Variants in DMD observed in about 807,000 individuals in gnomAD.
DMD encodes dystrophin.
Under a neutral mutation model 330.1 loss-of-function variants are expected in DMD, and 63 were observed. That is an observed-to-expected ratio of 0.19 (90% CI 0.16 to 0.24). DMD has a LOEUF of 0.24. DMD is among the 10% of genes least tolerant of loss of function. DMD has a pLI of 1.00. For synonymous variants in DMD, 1,223 were observed against 959.8 expected (o/e 1.27, Z -5.07); for missense variants, 3,344 against 2,684.1 (o/e 1.25, Z -5.43).
At chrX:32,862,768 ACT>A (rs1220014509) in intron 2 of DMD, among the ~76,000 whole-genome samples, 4 of 110,380 alleles carry the variant, frequency 3.6e-5, no homozygotes, top group East Asian at 2.8e-4. Flanking sequence ...TGTTGTTGAG[ACT>A]CTGTCACCTT....
At chrX:32,193,218 G>A (rs1381153876) in intron 44 of DMD, among the ~76,000 whole-genome samples, 1 of 111,882 alleles carries the variant, frequency 8.9e-6, no homozygotes, top group African/African-American at 3.3e-5. Flanking sequence ...GCAGAACTGT[G>A]AGCCAAGTAA....
At chrX:31,959,175 C>CT (rs1271576797) in intron 45 of DMD, among the ~76,000 whole-genome samples, 2 of 111,805 alleles carry the variant, frequency 1.8e-5, no homozygotes, top group African/African-American at 6.5e-5. Context: ...GTTTCACTCT[C>CT]TTTTTTTCAC....
chrX:33,209,497 G>T (rs776510164), intron 1 of DMD, among the ~76,000 whole-genome samples: 11 of 111,567 alleles, frequency 9.9e-5, no homozygotes, highest in Non-Finnish European at 2.1e-4. Flanking sequence ...ACAATACAGT[G>T]ATCTCTTTTA....
At chrX:32,464,809 G>T in intron 23 of DMD, 110 bp from the exon 24 acceptor site, 2 of 588,130 alleles carry the variant, frequency 3.4e-6, no homozygotes, top group Non-Finnish European at 5.9e-6. Context: ...CATGTTTAAA[G>T]GATGTCTCTA....
chrX:31,897,951 G>T (rs369656744), intron 47 of DMD, among the ~76,000 whole-genome samples: 6,837 of 99,668 alleles, frequency 0.069, 214 homozygotes, highest in African/African-American at 0.12. Flanking sequence ...GTCAATTTTG[G>T]CTTTTGTTGC....
intron 1 of DMD, among the ~76,000 whole-genome samples, chrX:33,048,581 T>C (rs912978649): frequency 9.4e-6 from 1 of 106,486 alleles, no homozygotes; most frequent in Non-Finnish European, 1.9e-5. Context: ...TAGTCCTAGC[T>C]ATTCGGGAGG....
At chrX:32,713,637 A>G (rs2065399758) in intron 7 of DMD, among the ~76,000 whole-genome samples, 1 of 111,892 alleles carries the variant, frequency 8.9e-6, no homozygotes, top group African/African-American at 3.3e-5. Context: ...ATACTTCTGT[A>G]ACTTTTAAAA....
intron 9 of DMD, among the ~76,000 whole-genome samples, chrX:32,662,817 G>C (rs1157568501): frequency 1.8e-5 from 2 of 111,730 alleles, no homozygotes; most frequent in Non-Finnish European, 3.8e-5. Context: ...ATACAGAACA[G>C]CATTTAGAGA....
At chrX:31,861,517 GCTCA>G (rs1304270577) in intron 48 of DMD, among the ~76,000 whole-genome samples, 1 of 106,984 alleles carries the variant, frequency 9.3e-6, no homozygotes, top group Admixed American at 1.0e-4. Context: ...CAAACTAAAG[GCTCA>G]CTAATTGGAG....
At chrX:31,708,292 T>C (rs931950611) in intron 52 of DMD, among the ~76,000 whole-genome samples, 8 of 111,493 alleles carry the variant, frequency 7.2e-5, no homozygotes, top group African/African-American at 2.6e-4. Context: ...GGAGTGAAAA[T>C]TTGTTCTTGA....
chrX:31,971,691 C>G (rs1168774766), intron 44 of DMD, among the ~76,000 whole-genome samples: 1 of 111,580 alleles, frequency 9.0e-6, no homozygotes, highest in Non-Finnish European at 1.9e-5. Flanking sequence ...AAAGATAACA[C>G]TGGGTTTACA....
intron 44 of DMD, among the ~76,000 whole-genome samples, chrX:32,171,163 G>T (rs1449345437): frequency 1.8e-5 from 2 of 111,127 alleles, no homozygotes; most frequent in Admixed American, 1.9e-4. Flanking sequence ...ATTTTATTTT[G>T]TCCAGCTAAT....
At position 32,697,949 on chromosome X, in the gene DMD, G is replaced by A. The variant is rs2063777083; in HGVS notation, c.881C>T (p.Pro294Leu). 3.3e-6 allele frequency: 4 copies of A among 1,205,719 alleles called. No homozygotes were observed. The highest frequency in any genetic ancestry group is 3.0e-5 in the East Asian group (1 of 33,606). ...QGYERTSSPK[P>L]RFKSYAYTQA... ...TGTGTAGGCATAGCTCTTGAATCGA[G>A]GCTTAGGGGAAGAAGTTCTCTCATA... The change falls in exon 9 of 79, where the codon CCT becomes CTT. Residue 294 changes from proline (P) to leucine (L), a missense_variant. Pro to Leu is a moderately conservative substitution (Grantham distance 98). Transcript: ENST00000357033.
At chrX:31,977,679 A>T (rs748324164) in intron 44 of DMD, among the ~76,000 whole-genome samples, 2 of 109,436 alleles carry the variant, frequency 1.8e-5, no homozygotes, top group South Asian at 7.8e-4. Flanking sequence ...TTTCCAACTC[A>T]TTATCTGTTG....
At chrX:31,990,688 A>T (rs2095544208) in intron 44 of DMD, among the ~76,000 whole-genome samples, 1 of 112,292 alleles carries the variant, frequency 8.9e-6, no homozygotes. Flanking sequence ...TTGCTAGTAC[A>T]TCCTCAGATT....
chrX:31,465,619 G>T (rs1308872838), intron 59 of DMD, among the ~76,000 whole-genome samples: 1 of 111,579 alleles, frequency 9.0e-6, no homozygotes, highest in Non-Finnish European at 1.9e-5. Flanking sequence ...TGAGCATTTG[G>T]GTTGGTTCCA....
chrX:31,356,819 CTCCTA>C (rs1569531929), intron 60 of DMD, among the ~76,000 whole-genome samples: 1 of 111,234 alleles, frequency 9.0e-6, no homozygotes, highest in African/African-American at 3.3e-5. Context: ...AGCAATCAAC[CTCCTA>C]TCCTGTTTCA....
intron 1 of DMD, among the ~76,000 whole-genome samples, chrX:33,297,080 C>CA (rs1374986532): frequency 1.8e-5 from 2 of 110,979 alleles, no homozygotes; most frequent in African/African-American, 6.5e-5. Flanking sequence ...ACTTATCAAG[C>CA]AGTCTGACAA....
At chrX:32,605,103 G>C (rs765577733) in intron 12 of DMD, among the ~76,000 whole-genome samples, 3 of 110,897 alleles carry the variant, frequency 2.7e-5, no homozygotes, top group South Asian at 7.4e-4. Context: ...GCAATGCTAA[G>C]CAAGAAGAAT....
Sources: gnomAD v4.1 joint callset for allele counts (sites outside exome capture counted in the v4.1 genomes callset) on GRCh38, gnomAD v4.1.1 for gene constraint, MANE v1.5 for transcripts, NCBI Gene and HGNC (gene_info 2026-07-23, HGNC 2026-07-21) for gene names.